ADGRL3: variants seen among roughly 807,000 people sequenced by gnomAD.
ADGRL3 encodes calcium-independent alpha-latrotoxin receptor 3.
ADGRL3 carries 62 observed loss-of-function variants against 153.5 expected under a neutral mutation model. The ratio of observed to expected loss-of-function variants is 0.40; its 90% CI spans 0.33 to 0.50. The LOEUF is 0.50. Among genes scored for constraint, ADGRL3 ranks in the 20% least tolerant of loss-of-function variants. The pLI is 0.47. For synonymous variants in ADGRL3, 710 were observed against 672.5 expected, an observed-to-expected ratio of 1.06 and a Z score of -0.86; for missense variants, 1,641 against 1,859.4, an observed-to-expected ratio of 0.88 and a Z score of 2.16.
At chr4:61,257,611 T>C (rs1236231660) in intron 1 of ADGRL3, among the ~76,000 whole-genome samples, 1 of 152,126 alleles carries the variant, frequency 6.6e-6, no homozygotes, top group African/African-American at 2.4e-5. Flanking sequence ...ATTAGTGCAG[T>C]TTTTAAAGAC....
chr4:61,517,897 A>G (rs567702312), intron 4 of ADGRL3, among the ~76,000 whole-genome samples: 2 of 152,318 alleles, frequency 1.3e-5, no homozygotes, highest in East Asian at 3.9e-4. Context: ...AATTTTCACC[A>G]ATGGAAACTA....
At chr4:61,388,138 C>CA (rs1303231263) in intron 2 of ADGRL3, among the ~76,000 whole-genome samples, 3 of 152,044 alleles carry the variant, frequency 2.0e-5, no homozygotes, top group African/African-American at 7.2e-5. Context: ...ATAAAATACA[C>CA]AAAACAACTG....
intron 4 of ADGRL3, among the ~76,000 whole-genome samples, chr4:61,571,386 A>G (rs2098838085): frequency 6.6e-6 from 1 of 151,940 alleles, no homozygotes; most frequent in African/African-American, 2.4e-5. Flanking sequence ...GGTGACACCC[A>G]CCTTTAGTCC....
chr4:61,225,666 A>G (rs1293634592), intron 1 of ADGRL3, among the ~76,000 whole-genome samples: 1 of 152,214 alleles, frequency 6.6e-6, no homozygotes, highest in Non-Finnish European at 1.5e-5. Flanking sequence ...ATTAACAGGC[A>G]TCAGTTGAAT....
intron 4 of ADGRL3, among the ~76,000 whole-genome samples, chr4:61,540,558 G>A (rs1271116962): frequency 6.7e-6 from 1 of 149,542 alleles, no homozygotes; most frequent in African/African-American, 2.5e-5. Context: ...AACAAAAAAA[G>A]AAAAGAAAAG....
At chr4:61,775,811 C>T (rs547949037) in intron 8 of ADGRL3, 10 of 677,252 alleles carry the variant, frequency 1.5e-5, no homozygotes, top group Admixed American at 7.5e-5. Flanking sequence ...GCAGTATTAA[C>T]GTCCATTACG....
intron 1 of ADGRL3, among the ~76,000 whole-genome samples, chr4:61,250,855 T>G (rs1050158340): frequency 2.6e-5 from 4 of 152,162 alleles, no homozygotes; most frequent in African/African-American, 9.7e-5. Flanking sequence ...AATGGGAATA[T>G]TTATAATACT....
chr4:61,809,499 T>TTGTC (rs2097584572), intron 8 of ADGRL3, among the ~76,000 whole-genome samples: 1 of 152,114 alleles, frequency 6.6e-6, no homozygotes, highest in African/African-American at 2.4e-5. Context: ...AAAAGTCAGA[T>TTGTC]ATTACCTCTT....
intron 8 of ADGRL3, among the ~76,000 whole-genome samples, chr4:61,742,393 C>T (rs2096592438): frequency 6.6e-6 from 1 of 152,114 alleles, no homozygotes; most frequent in Non-Finnish European, 1.5e-5. Context: ...ATTCTCCTGC[C>T]TCAGCCTCCC....
rs529688798 is a variant in ADGRL3 at position 61,730,133 on chromosome 4, C to T, written c.584-489C>T. On this transcript the variant is annotated intron_variant, in intron 6 of 26. Coordinates refer to ENST00000683033, the MANE Select transcript of ADGRL3 (RefSeq NM_001387552.1). The stretch of plus-strand genomic sequence containing the variant: ...TGACAAGCTACAGGAAATCTTAGGC[C>T]TTAGGAAATGAGTTGCCGAGTAGTT... 3.9e-4 allele frequency among the ~76,000 whole-genome samples: 60 copies of T among 151,940 alleles called. 1 individual carries two copies. In the South Asian group the frequency reaches 9.5e-3, roughly 24 times the overall value.
chr4:61,983,634 C>G, intron 19 of ADGRL3, 31 bp downstream of exon 19: 1 of 1,588,554 alleles, frequency 6.3e-7, no homozygotes. Context: ...CTTTTTAAAT[C>G]TAGGTGAAAT....
chr4:61,632,654 C>T (rs2093235038), intron 5 of ADGRL3, among the ~76,000 whole-genome samples: 1 of 152,128 alleles, frequency 6.6e-6, no homozygotes, highest in Admixed American at 6.6e-5. Context: ...CCTTGTTATA[C>T]CCACACAACT....
intron 8 of ADGRL3, among the ~76,000 whole-genome samples, chr4:61,769,262 T>C (rs2152291813): frequency 6.6e-6 from 1 of 151,984 alleles, no homozygotes; most frequent in East Asian, 1.9e-4. Context: ...GTCTCTTTTG[T>C]CTCTACCAGA....
intron 17 of ADGRL3, among the ~76,000 whole-genome samples, chr4:61,957,453 A>G (rs1023176163): frequency 2.6e-5 from 4 of 152,116 alleles, no homozygotes; most frequent in African/African-American, 9.7e-5. Flanking sequence ...CATAGTCCAT[A>G]AATAAGCATA....
chr4:61,245,707 CCATCATATTCACATTTGTCA>C (rs1325755431), intron 1 of ADGRL3, among the ~76,000 whole-genome samples: 3 of 152,024 alleles, frequency 2.0e-5, no homozygotes, highest in Non-Finnish European at 4.4e-5. Context: ...GGGGCAAGAG[CCATCATATTCACATTTGTCA>C]CAAATGTCTT....
In ADGRL3 at chr4:61,644,566, C is replaced by T. The variant is rs7669411; in HGVS notation, c.474-32260C>T. Reference sequence around the variant, plus strand: ...GTACCCAGTAGTCATTCAGGAGCAGCTTGTTCAGTTTCCATGTAGTTGAGC... The same window carrying T: ...GTACCCAGTAGTCATTCAGGAGCAGTTTGTTCAGTTTCCATGTAGTTGAGC... On this transcript the variant is annotated intron_variant, in intron 5 of 26. Transcript: ENST00000683033. 1.4e-4 allele frequency among the ~76,000 whole-genome samples: 22 copies of T among 152,002 alleles called. No individual in the cohort carries two copies. In the East Asian group the frequency reaches 4.1e-3, roughly 28 times the overall value.
intron 11 of ADGRL3, among the ~76,000 whole-genome samples, chr4:61,909,062 A>AC (rs2098709951): frequency 6.6e-6 from 1 of 152,200 alleles, no homozygotes; most frequent in African/African-American, 2.4e-5. Context: ...TACAGTTAGT[A>AC]AGAAGATGAA....
At chr4:61,649,572 T>C (rs936556074) in intron 5 of ADGRL3, among the ~76,000 whole-genome samples, 1 of 152,124 alleles carries the variant, frequency 6.6e-6, no homozygotes, top group Non-Finnish European at 1.5e-5. Context: ...TTGTCTTTAT[T>C]TTGCTAATTG....
chr4:61,208,444 T>TG (rs1478587611), intron 1 of ADGRL3, among the ~76,000 whole-genome samples: 1 of 152,170 alleles, frequency 6.6e-6, no homozygotes, highest in African/African-American at 2.4e-5. Flanking sequence ...GCTATTATGA[T>TG]TACTATCATC....
Sources: gnomAD v4.1 joint callset for allele counts (sites outside exome capture counted in the v4.1 genomes callset) on GRCh38, gnomAD v4.1.1 for gene constraint, MANE v1.5 for transcripts, NCBI Gene and HGNC (gene_info 2026-07-23, HGNC 2026-07-21) for gene names.